The following CHST1 variants were observed in gnomAD, a reference collection of about 807,000 sequenced individuals.
CHST1 encodes the protein carbohydrate sulfotransferase 1, also known as Keratan sulfotransferase.
A neutral mutation model predicts 22.5 loss-of-function variants in CHST1; 10 were observed. The observed-to-expected ratio is 0.44, with a 90% CI of 0.27 to 0.75. CHST1 has a LOEUF of 0.75. Ranked by LOEUF, CHST1 falls within the 30% of genes least tolerant of loss-of-function variation. The pLI, the probability that CHST1 is intolerant of heterozygous loss-of-function variation, is 0.15. For missense variants in CHST1, 439 were observed against 576.1 expected (o/e 0.76, Z 2.44); for synonymous variants, 267 against 264.5 (o/e 1.01, Z -0.09).
rs140694718 is a variant in CHST1, at chr11:45,650,764, C to T, written c.160G>A (p.Ala54Thr). Residue 54 changes from alanine (A) to threonine (T), a missense_variant, in exon 4 of 4, where the codon GCC becomes ACC. By Grantham distance (58) the Ala-to-Thr change is moderately conservative. Coordinates refer to ENST00000308064, the MANE Select transcript of CHST1 (RefSeq NM_003654.6). ...TGGGTCTTGCGGGAGAGGTTGTAGG[C>T]GAAGGTGGGGCTCTCCTCGCACAGT... is the stretch of plus-strand genomic sequence containing the variant. Reference protein sequence around the residue: ...ERLCEESPTFAYNLSRKTHIL... With the variant: ...ERLCEESPTFTYNLSRKTHIL... 4.5e-5 allele frequency: 73 copies of T among 1,614,072 alleles called. No homozygotes were observed. The highest frequency in any genetic ancestry group is 3.3e-4 in the Middle Eastern group (2 of 6,060).
chr11:45,661,058 G>T (rs992636987), intron 1 of CHST1, among the ~76,000 whole-genome samples: 4 of 152,240 alleles, frequency 2.6e-5, no homozygotes, highest in Admixed American at 2.6e-4. Flanking sequence ...TAGCTTTCTT[G>T]ATAGAATTAC....
At chr11:45,651,015 G>A in intron 3 of CHST1, 50 bp from the exon 4 acceptor site, 1 of 1,376,800 alleles carries the variant, frequency 7.3e-7, no homozygotes, top group Non-Finnish European at 9.7e-7. Flanking sequence ...CGGGGGCACT[G>A]GCTTGTCCCT....
At chr11:45,657,520 T>G (rs919096918) in intron 1 of CHST1, among the ~76,000 whole-genome samples, 20 of 152,226 alleles carry the variant, frequency 1.3e-4, no homozygotes, top group Admixed American at 1.3e-3. Flanking sequence ...CAGTGCAAGA[T>G]TTCTCCCAAG....
chr11:45,656,297 A>T (rs1852061659), intron 1 of CHST1, among the ~76,000 whole-genome samples: 1 of 152,310 alleles, frequency 6.6e-6, no homozygotes, highest in African/African-American at 2.4e-5. Flanking sequence ...CATTATTAAC[A>T]TGTCCAGGGA....
At position 45,665,381 on chromosome 11, in the gene CHST1, T is replaced by A. The variant is rs2120352074; in HGVS notation, c.-430A>T. ...CGCGCGCCTCACGGGCCCCTCTTCA[T>A]GGCCCGGGGGCGCGAGCCCGGGGCG... On this transcript the variant is annotated 5_prime_UTR_variant, in exon 1 of 4. An upstream start codon of the reference 5' UTR is lost. Coordinates refer to ENST00000308064, the MANE Select transcript of CHST1 (RefSeq NM_003654.6). The surrounding 1 kb of genome is among the most constrained non-coding windows in gnomAD (Gnocchi z 4.0). 1 of 149,302 alleles carries A rather than the reference T, an allele frequency of 6.7e-6. No homozygotes were observed. The highest frequency in any genetic ancestry group is 1.5e-5 in the Non-Finnish European group (1 of 67,308). 9.2% of individuals were successfully genotyped at this position (149,302 alleles called of 1,614,324 possible). A position where few individuals can be genotyped will look rare whatever the true frequency, so the allele number is the denominator to read the frequency against.
intron 1 of CHST1, among the ~76,000 whole-genome samples, chr11:45,659,780 C>T (rs181016025): frequency 6.6e-6 from 1 of 152,310 alleles, no homozygotes; most frequent in East Asian, 1.9e-4. Context: ...ATGCCCAAAT[C>T]CTATGCCACC....
Position 45,649,567 on chromosome 11 carries a change from G to A in CHST1, c.*121C>T, listed in dbSNP as rs1299336115. ...GGCAGAAGGGAGTGGGGTGAGCTGG[G>A]GGCAGGAAGGACACGAAGATGAGGT... On this transcript the variant is annotated 3_prime_UTR_variant, in exon 4 of 4. Coordinates refer to ENST00000308064, the MANE Select transcript of CHST1 (RefSeq NM_003654.6). The A allele has an allele frequency of 3.0e-5, 31 of 1,044,062 alleles. 1 individual carries two copies. The South Asian group carries it at 3.9e-4, about 13-fold the overall frequency. 64.7% of individuals were successfully genotyped at this position (1,044,062 alleles called of 1,614,324 possible). A position where few individuals can be genotyped will look rare whatever the true frequency, so the allele number is the denominator to read the frequency against.
chr11:45,661,412 G>A (rs1238685576), intron 1 of CHST1, among the ~76,000 whole-genome samples: 2 of 152,240 alleles, frequency 1.3e-5, no homozygotes, highest in African/African-American at 4.8e-5. Context: ...ATTGGAAGGT[G>A]TTGTGAACAC....
Position 45,650,456 on chromosome 11 carries a change from G to A in CHST1, c.468C>T (p.Ala156=), listed in dbSNP as rs1851979885. The A allele has an allele frequency of 6.2e-7, 1 of 1,612,218 alleles. No individual in the cohort carries two copies. The highest frequency in any genetic ancestry group is 8.5e-7 in the Non-Finnish European group (1 of 1,179,890). Residue 156 remains alanine, a synonymous_variant, in exon 4 of 4, where the codon GCC becomes GCT. Transcript: ENST00000308064. ...HTTDRIFRRG[A]SRVLCSRPVC... is the part of the protein sequence containing the mutation. Reference sequence around the variant, plus strand: ...CAGGCCGGGAGCAGAGGACCCGGCTGGCCCCGCGGCGGAAGATCCTGTCGG... The same window carrying A: ...CAGGCCGGGAGCAGAGGACCCGGCTAGCCCCGCGGCGGAAGATCCTGTCGG...
chr11:45,655,944 A>G (rs1294445324), intron 1 of CHST1, among the ~76,000 whole-genome samples: 1 of 152,200 alleles, frequency 6.6e-6, no homozygotes, highest in East Asian at 1.9e-4. Flanking sequence ...CTCCATTGGG[A>G]GTGGGAAAAA....
Position 45,656,343 on chromosome 11 carries a change from C to T in CHST1, c.-226-3737G>A, listed in dbSNP as rs78150745. Among the ~76,000 whole-genome samples, 101 of 152,342 alleles carry T rather than the reference C, an allele frequency of 6.6e-4. 1 individual carries two copies. The highest frequency in any genetic ancestry group is 2.3e-3 in the African/African-American group (97 of 41,574). On this transcript the variant is annotated intron_variant, in intron 1 of 3. Transcript: ENST00000308064. ...CAACCGACTATATCAGAGAAGCCTC[C>T]TCAGACATGAACGTACTGATAGAAA...
At position 45,649,909 on chromosome 11, in the gene CHST1, C is replaced by G. The variant is rs753627273; in HGVS notation, c.1015G>C (p.Asp339His). ...ARWIQNNTRG[D>H]PTLGKHKYGT... ...TATTTGTGCTTGCCCAGGGTGGGGT[C>G]GCCCCGCGTGTTGTTCTGGATCCAG... The change falls in exon 4 of 4, where the codon GAC (aspartate) becomes CAC (histidine). Residue 339 changes from aspartate to histidine, a missense_variant. Asp to His is a moderately conservative substitution (Grantham distance 81). Coordinates refer to ENST00000308064, the MANE Select transcript of CHST1 (RefSeq NM_003654.6). 2.5e-6 allele frequency: 4 copies of G among 1,612,178 alleles called. No homozygotes were observed. Among genetic ancestry groups the G allele is most frequent in the Non-Finnish European group, 3.4e-6 (4 of 1,180,004 alleles).
chr11:45,656,260 C>A (rs1261493042), intron 1 of CHST1, among the ~76,000 whole-genome samples: 4 of 152,200 alleles, frequency 2.6e-5, no homozygotes, highest in Non-Finnish European at 4.4e-5. Context: ...TTGGGCACCC[C>A]ACTCTTTCCT....
chr11:45,662,956 G>C (rs1370859112), intron 1 of CHST1, among the ~76,000 whole-genome samples: 1 of 152,154 alleles, frequency 6.6e-6, no homozygotes, highest in Non-Finnish European at 1.5e-5. Flanking sequence ...CACACTTGTG[G>C]AGCCTGGTTT....
At chr11:45,657,546 C>T (rs542932310) in intron 1 of CHST1, among the ~76,000 whole-genome samples, 1 of 152,364 alleles carries the variant, frequency 6.6e-6, no homozygotes, top group East Asian at 1.9e-4. Context: ...TCTTACAGAG[C>T]TCTGTGCGTG....
rs1851940486 is a variant in CHST1, at chr11:45,648,104, A to G, written c.*1584T>C. Among the ~76,000 whole-genome samples the G allele has an allele frequency of 6.6e-6, 1 of 152,232 alleles. No homozygotes were observed. The highest frequency in any genetic ancestry group is 2.4e-5 in the African/African-American group (1 of 41,454). On this transcript the variant is annotated 3_prime_UTR_variant, in exon 4 of 4. Transcript: ENST00000308064. Reference sequence around the variant, plus strand: ...GAGGAAGCACAGCAGATTCTCTGCCAGTGTAGACACCAGTAAACCTGTACC... The same window carrying G: ...GAGGAAGCACAGCAGATTCTCTGCCGGTGTAGACACCAGTAAACCTGTACC...
Position 45,655,908 on chromosome 11 carries a change from C to T in CHST1, c.-226-3302G>A, listed in dbSNP as rs1852056433. 2.0e-5 allele frequency among the ~76,000 whole-genome samples: 3 copies of T among 152,230 alleles called. No individual in the cohort carries two copies. In the South Asian group the frequency reaches 6.2e-4, roughly 32 times the overall value. On this transcript the variant is annotated intron_variant, in intron 1 of 3. Transcript: ENST00000308064. The stretch of plus-strand genomic sequence containing the variant: ...ACTTCATTCTCAGGGACAGTTGGGG[C>T]CACCCACACAGCAGACAGGGGGACC...
chr11:45,650,005 G>C lies in CHST1; in HGVS notation c.919C>G (p.Arg307Gly). 6.2e-7 allele frequency: 1 copy of C among 1,613,976 alleles called. No individual in the cohort carries two copies. Among genetic ancestry groups the C allele is most frequent in the Non-Finnish European group, 8.5e-7 (1 of 1,180,000 alleles). The change falls in exon 4 of 4, where the codon CGG (arginine) becomes GGG (glycine). Residue 307 changes from arginine to glycine, a missense_variant. By Grantham distance (125) the Arg-to-Gly change is moderately radical. Coordinates refer to ENST00000308064, the MANE Select transcript of CHST1 (RefSeq NM_003654.6). The part of the protein sequence containing the change: ...YMLVRYEDLA[R>G]NPMKKTEEIY... The stretch of plus-strand genomic sequence containing the variant: ...TCCTCGGTCTTCTTCATAGGGTTCC[G>C]AGCCAGGTCCTCGTAGCGCACCAAC...
At chr11:45,659,159 AG>A (rs1382545489) in intron 1 of CHST1, among the ~76,000 whole-genome samples, 1 of 152,198 alleles carries the variant, frequency 6.6e-6, no homozygotes, top group African/African-American at 2.4e-5. Flanking sequence ...CCCACAGGCC[AG>A]GGGCTACTGC....
Sources: gnomAD v4.1 joint callset for allele counts (sites outside exome capture counted in the v4.1 genomes callset) on GRCh38, gnomAD v4.1.1 for gene constraint, Gnocchi (gnomAD v3.1) non-coding constraint, MANE v1.5 for transcripts, NCBI Gene and HGNC (gene_info 2026-07-23, HGNC 2026-07-21) for gene names.